Variants in ROR1 observed in about 807,000 individuals in gnomAD.
ROR1 encodes ROR family WNT receptor 1.
A neutral mutation model predicts 78.8 loss-of-function variants in ROR1; 19 were observed. That is an observed-to-expected ratio of 0.24 (90% confidence interval 0.17 to 0.35). The LOEUF (loss-of-function observed/expected upper bound fraction) is 0.35. Ranked by LOEUF, ROR1 falls within the 10% of genes least tolerant of loss-of-function variation. The probability of loss-of-function intolerance (pLI) is 1.00; values close to 1 mark genes in which losing one functional copy is unlikely to be tolerated. For missense variants in ROR1, 917 were observed against 1,177.8 expected, an observed-to-expected ratio of 0.78 and a Z score of 3.24; for synonymous variants, 386 against 433.6, an observed-to-expected ratio of 0.89 and a Z score of 1.36.
In ROR1 at chr1:64,075,806, G is replaced by A. The variant is rs1030015810; in HGVS notation, c.482+25090G>A. On this transcript the variant is annotated intron_variant, in intron 4 of 8. Coordinates refer to ENST00000371079, the MANE Select transcript of ROR1 (RefSeq NM_005012.4). ...ACGCTTAATGGCTCTAAGAGTTCAC[G>A]TTTCAGTGCACCATCTCTTTGAGTT... Among the ~76,000 whole-genome samples the A allele has an allele frequency of 3.3e-5, 5 of 152,122 alleles. No individual in the cohort carries two copies. In the East Asian group the frequency reaches 5.8e-4, roughly 18 times the overall value.
At chr1:63,994,629 G>A (rs1189918835) in intron 1 of ROR1, among the ~76,000 whole-genome samples, 1 of 152,144 alleles carries the variant, frequency 6.6e-6, no homozygotes, top group Non-Finnish European at 1.5e-5. Flanking sequence ...AGTGTGGGAC[G>A]GTGACATGAA....
intron 1 of ROR1, among the ~76,000 whole-genome samples, chr1:63,981,466 G>A (rs1177857186): frequency 1.3e-5 from 2 of 152,140 alleles, no homozygotes; most frequent in East Asian, 3.9e-4. Context: ...TAAGGGCAGG[G>A]TTTCCTTGAT....
chr1:63,940,543 A>AGATAGATAGAT (rs1645830581), intron 1 of ROR1, among the ~76,000 whole-genome samples: 1 of 152,018 alleles, frequency 6.6e-6, no homozygotes, highest in African/African-American at 2.4e-5. Context: ...ATAGATAGAT[A>AGATAGATAGAT]ATGTGAAGGA....
chr1:64,177,437 A>C lies in ROR1; in HGVS notation c.1396A>C (p.Lys466Gln). 6.2e-7 allele frequency: 1 copy of C among 1,612,930 alleles called. No homozygotes were observed. The highest frequency in any genetic ancestry group is 1.7e-5 in the Admixed American group (1 of 59,808). ...CCTCTCTTTCATACAGAGCAAGGCTAAAGAGCTACCTCTTTCTGCTGTACG... is the reference window on the plus strand; with the variant it reads ...CCTCTCTTTCATACAGAGCAAGGCTCAAGAGCTACCTCTTTCTGCTGTACG... ...LNAYKPKSKA[K>Q]ELPLSAVRFM... Residue 466 changes from lysine (K) to glutamine (Q), a missense_variant, in exon 9 of 9, where the codon AAA (lysine) becomes CAA (glutamine). Lys to Gln is a moderately conservative substitution (Grantham distance 53). Around this residue, in one of 3 missense-constraint regions of ROR1, gnomAD observed 835 missense variants for 1,069.8 expected, o/e 0.78. Transcript: ENST00000371079.
chr1:63,996,442 C>T (rs1248591107), intron 1 of ROR1, among the ~76,000 whole-genome samples: 2 of 152,150 alleles, frequency 1.3e-5, no homozygotes, highest in East Asian at 3.8e-4. Flanking sequence ...TAAACTGGTG[C>T]AATTTCAGGT....
At chr1:63,888,667 C>T (rs1645373541) in intron 1 of ROR1, among the ~76,000 whole-genome samples, 1 of 151,650 alleles carries the variant, frequency 6.6e-6, no homozygotes, top group African/African-American at 2.4e-5. Flanking sequence ...TGTTTCTTTC[C>T]CACAGAAAAG....
chr1:63,991,425 G>A (rs1646295383), intron 1 of ROR1, among the ~76,000 whole-genome samples: 1 of 152,172 alleles, frequency 6.6e-6, no homozygotes, highest in Admixed American at 6.6e-5. Flanking sequence ...TTGCTGATAT[G>A]CAGATCTTAT....
chr1:63,802,126 G>A (rs186575624), intron 1 of ROR1, among the ~76,000 whole-genome samples: 26 of 152,190 alleles, frequency 1.7e-4, no homozygotes, highest in South Asian at 1.2e-3. Context: ...GCAACAACTC[G>A]TCTTATACTC....
intron 2 of ROR1, among the ~76,000 whole-genome samples, chr1:64,022,405 A>G (rs971971229): frequency 2.6e-5 from 4 of 152,218 alleles, no homozygotes; most frequent in Non-Finnish European, 5.9e-5. Flanking sequence ...GACTTTTGCC[A>G]AAATAAAACA....
chr1:64,173,764 G>C (rs952705335), intron 8 of ROR1, among the ~76,000 whole-genome samples: 5 of 152,150 alleles, frequency 3.3e-5, no homozygotes, highest in African/African-American at 1.2e-4. Flanking sequence ...GCCATGTGTA[G>C]GGCTGATGCC....
At chr1:64,009,187 G>A (rs772618263) in intron 1 of ROR1, 118 bp from the exon 2 acceptor site, 160 of 763,014 alleles carry the variant, frequency 2.1e-4, no homozygotes, top group Non-Finnish European at 3.0e-4. Flanking sequence ...TGGGATTGCC[G>A]TGGTCTCTCT....
At chr1:63,884,399 C>A (rs146479238) in intron 1 of ROR1, among the ~76,000 whole-genome samples, 2 of 152,226 alleles carry the variant, frequency 1.3e-5, no homozygotes, top group African/African-American at 4.8e-5. Context: ...TGGCCTGCCC[C>A]GGTGCCATGA....
chr1:63,799,758 C>T, intron 1 of ROR1, among the ~76,000 whole-genome samples: 1 of 151,834 alleles, frequency 6.6e-6, no homozygotes, highest in Non-Finnish European at 1.5e-5. Flanking sequence ...GTTTAATTCT[C>T]ATGTATATCT....
chr1:63,795,183 G>C (rs1453291183), intron 1 of ROR1, among the ~76,000 whole-genome samples: 1 of 152,182 alleles, frequency 6.6e-6, no homozygotes, highest in East Asian at 1.9e-4. Context: ...CATTCTTCGA[G>C]TTAGAAATCA....
intron 1 of ROR1, among the ~76,000 whole-genome samples, chr1:63,917,902 T>C (rs896055137): frequency 1.1e-4 from 16 of 152,154 alleles, no homozygotes; most frequent in African/African-American, 3.9e-4. Flanking sequence ...GTCTTGGGAT[T>C]ATCTAGGAGC....
At chr1:63,783,317 T>A (rs535683471) in intron 1 of ROR1, among the ~76,000 whole-genome samples, 15 of 152,294 alleles carry the variant, frequency 9.8e-5, no homozygotes, top group African/African-American at 3.4e-4. Flanking sequence ...GGGCTGCTTG[T>A]CAAAGGTATA....
intron 1 of ROR1, among the ~76,000 whole-genome samples, chr1:63,882,605 C>A (rs942551689): frequency 5.3e-5 from 8 of 152,112 alleles, no homozygotes; most frequent in Non-Finnish European, 1.2e-4. Context: ...GCTGAAACAA[C>A]CAATTGTACA....
chr1:63,969,360 A>G (rs906155402), intron 1 of ROR1, among the ~76,000 whole-genome samples: 1 of 152,108 alleles, frequency 6.6e-6, no homozygotes, highest in East Asian at 1.9e-4. Flanking sequence ...ACATTGTGCA[A>G]TCTCACTTGA....
At chr1:63,981,862 CCCTT>C (rs1646213168) in intron 1 of ROR1, among the ~76,000 whole-genome samples, 1 of 152,058 alleles carries the variant, frequency 6.6e-6, no homozygotes, top group Admixed American at 6.6e-5. Context: ...GTCACATACT[CCCTT>C]CTTCTTTTTG....
Sources: gnomAD v4.1 joint callset for allele counts (sites outside exome capture counted in the v4.1 genomes callset) on GRCh38, gnomAD v4.1.1 for gene constraint, gnomAD v4.1.1 regional missense constraint, MANE v1.5 for transcripts, NCBI Gene and HGNC (gene_info 2026-07-23, HGNC 2026-07-21) for gene names.